Variants in ENPP2 observed in about 807,000 individuals in gnomAD.
The protein encoded by ENPP2 is autotaxin.
In ENPP2, 51 loss-of-function variants were observed where a neutral mutation model predicts 120.2. That is an observed-to-expected ratio of 0.42 (90% CI 0.34 to 0.54). The LOEUF (loss-of-function observed/expected upper bound fraction) is 0.54, where lower values mean the gene tolerates loss of function less well. ENPP2 is among the 20% of genes least tolerant of loss of function. ENPP2 has a pLI of 0.04. For synonymous variants in ENPP2, 365 were observed against 366.4 expected (o/e 1.00, Z 0.04); for missense variants, 920 against 1,066.5 (o/e 0.86, Z 1.91).
At chr8:119,625,764 A>G (rs991759725) in intron 3 of ENPP2, among the ~76,000 whole-genome samples, 8 of 152,326 alleles carry the variant, frequency 5.3e-5, no homozygotes, top group East Asian at 3.8e-4. Flanking sequence ...CTTTGAAAAC[A>G]GAGTAGGTGG....
intron 1 of ENPP2, among the ~76,000 whole-genome samples, chr8:119,666,233 AT>A (rs1044911957): frequency 2.4e-4 from 37 of 151,708 alleles, no homozygotes; most frequent in African/African-American, 7.5e-4. Flanking sequence ...TCCTTTTTTG[AT>A]TTTTTTTCCA....
intron 1 of ENPP2, among the ~76,000 whole-genome samples, chr8:119,656,877 T>C (rs1003638726): frequency 6.6e-6 from 1 of 152,170 alleles, no homozygotes; most frequent in Non-Finnish European, 1.5e-5. Flanking sequence ...TCTATTAAGG[T>C]AGTTATAGAA....
At chr8:119,667,618 C>A (rs938229269) in intron 1 of ENPP2, among the ~76,000 whole-genome samples, 2 of 152,166 alleles carry the variant, frequency 1.3e-5, no homozygotes, top group African/African-American at 4.8e-5. Flanking sequence ...TTGAATTAAT[C>A]CACTCTTGTC....
At chr8:119,637,831 A>G (rs1007237376) in intron 2 of ENPP2, among the ~76,000 whole-genome samples, 2 of 152,206 alleles carry the variant, frequency 1.3e-5, no homozygotes, top group African/African-American at 4.8e-5. Context: ...CTTTGGTTCT[A>G]TTATTTAAGT....
chr8:119,673,334 C>T, exon 1 of ENPP2: 1 of 1,530,506 alleles, frequency 6.5e-7, no homozygotes, highest in Non-Finnish European at 8.7e-7. Context: ...GGGCTGCAGC[C>T]CCGCGACCTG....
chr8:119,593,920 C>T lies in ENPP2; in HGVS notation c.973-60G>A, dbSNP rs1813712813. ...TTTCTTTCTTTCCCTTTCAGTCTCTCATAGATCTTCTACCCCTAGAACATT... is the reference window on the plus strand; with the variant it reads ...TTTCTTTCTTTCCCTTTCAGTCTCTTATAGATCTTCTACCCCTAGAACATT... On this transcript the variant is annotated intron_variant, in intron 11 of 24. Transcript: ENST00000075322. The T allele has an allele frequency of 1.8e-5, 17 of 946,656 alleles. 1 individual carries two copies. In the South Asian group the frequency reaches 2.2e-4, roughly 12 times the overall value. 58.6% of individuals were successfully genotyped at this position (946,656 alleles called of 1,614,324 possible). A position where few individuals can be genotyped will look rare whatever the true frequency, so the allele number is the denominator to read the frequency against.
At chr8:119,616,125 T>G (rs1012227925) in intron 8 of ENPP2, 140 bp downstream of exon 8, 3 of 669,210 alleles carry the variant, frequency 4.5e-6, no homozygotes, top group Non-Finnish European at 7.5e-6. Flanking sequence ...TGTATGTATA[T>G]TAAAAGTATC....
In ENPP2 at chr8:119,557,481, A is replaced by G. The variant is rs770391574; in HGVS notation, c.*40T>C. The G allele has an allele frequency of 4.7e-5, 69 of 1,469,216 alleles. No individual in the cohort carries two copies. The highest frequency in any genetic ancestry group is 3.2e-4 in the South Asian group (26 of 82,096). 91.0% of individuals were successfully genotyped at this position (1,469,216 alleles called of 1,614,324 possible). ...AAATACAAAAACAATATAAAAATAT[A>G]CAACCAGTTGATAAGACTGTACTGC... On this transcript the variant is annotated 3_prime_UTR_variant, in exon 25 of 25. Coordinates refer to ENST00000075322, the MANE Select transcript of ENPP2 (RefSeq NM_001040092.3).
intron 12 of ENPP2, among the ~76,000 whole-genome samples, chr8:119,592,451 C>T (rs552796441): frequency 3.1e-4 from 35 of 113,736 alleles, no homozygotes; most frequent in African/African-American, 4.3e-4. Context: ...CCATCTTGGG[C>T]GATGAGAGTG....
chr8:119,658,256 A>G (rs983329952), intron 1 of ENPP2, among the ~76,000 whole-genome samples: 3 of 152,176 alleles, frequency 2.0e-5, no homozygotes, highest in African/African-American at 7.2e-5. Context: ...GTGTAATGGT[A>G]GGGACTGGGG....
rs1390538028 is a variant in ENPP2 at position 119,657,233 on chromosome 8, C to T, written c.21+16019G>A. On this transcript the variant is annotated intron_variant, in intron 1 of 25. Transcript: ENST00000427067. The stretch of plus-strand genomic sequence containing the variant: ...AGCCACCGCTGCTAGACTATAATCT[C>T]GTTTTATGAGTGAAGAAACCAAGAC... Among the ~76,000 whole-genome samples, 5 of 152,104 alleles carry T rather than the reference C, an allele frequency of 3.3e-5. No individual in the cohort carries two copies. The East Asian group carries it at 7.7e-4, about 23-fold the overall frequency.
intron 10 of ENPP2, among the ~76,000 whole-genome samples, chr8:119,601,096 C>T (rs189089768): frequency 3.9e-5 from 6 of 152,290 alleles, no homozygotes; most frequent in African/African-American, 1.2e-4. Context: ...TACAGAGAAG[C>T]GTCTCTCTTT....
At chr8:119,613,969 G>A (rs1459450428) in intron 8 of ENPP2, among the ~76,000 whole-genome samples, 1 of 149,744 alleles carries the variant, frequency 6.7e-6, no homozygotes. Flanking sequence ...CTGTATAATA[G>A]AATAGAACAA....
At position 119,660,172 on chromosome 8, in the gene ENPP2, C is replaced by T. The variant is rs577356608; in HGVS notation, c.21+13080G>A. Among the ~76,000 whole-genome samples, 3 of 152,288 alleles carry T rather than the reference C, an allele frequency of 2.0e-5. No homozygotes were observed. In the South Asian group the frequency reaches 6.2e-4, roughly 32 times the overall value. On this transcript the variant is annotated intron_variant, in intron 1 of 25. Transcript: ENST00000427067. ...CCACAGGAGATGCTTTGGTTAACAA[C>T]CTTTCCACACTCTTTGTTTTCATTT...
intron 1 of ENPP2, among the ~76,000 whole-genome samples, chr8:119,657,251 A>G (rs1817792029): frequency 6.6e-6 from 1 of 152,144 alleles, no homozygotes; most frequent in Non-Finnish European, 1.5e-5. Flanking sequence ...GAGTGAAGAA[A>G]CCAAGACGCA....
chr8:119,658,209 G>A (rs1308489375), intron 1 of ENPP2, among the ~76,000 whole-genome samples: 1 of 152,124 alleles, frequency 6.6e-6, no homozygotes, highest in African/African-American at 2.4e-5. Flanking sequence ...TCAGATTCAG[G>A]GGGTCCACGT....
chr8:119,618,092 A>G (rs1815600362), intron 5 of ENPP2: 2 of 332,848 alleles, frequency 6.0e-6, no homozygotes, highest in Non-Finnish European at 1.2e-5. Context: ...GAGATCTGTT[A>G]AGGTACAGAT....
chr8:119,605,779 A>T (rs1814681518), intron 9 of ENPP2, among the ~76,000 whole-genome samples: 1 of 152,044 alleles, frequency 6.6e-6, no homozygotes, highest in Admixed American at 6.6e-5. Flanking sequence ...AGATACTGTA[A>T]TTTTTATTTG....
intron 8 of ENPP2, among the ~76,000 whole-genome samples, chr8:119,611,870 C>CA (rs1231542452): frequency 1.3e-5 from 2 of 151,854 alleles, no homozygotes; most frequent in Non-Finnish European, 2.9e-5. Context: ...ACTAAAAATA[C>CA]AAAAAAATTT....
Sources: gnomAD v4.1 joint callset for allele counts (sites outside exome capture counted in the v4.1 genomes callset) on GRCh38, gnomAD v4.1.1 for gene constraint, MANE v1.5 for transcripts, NCBI Gene and HGNC (gene_info 2026-07-23, HGNC 2026-07-21) for gene names.